The following RERE variants were observed in gnomAD, a reference collection of about 807,000 sequenced individuals.
RERE encodes the protein arginine-glutamic acid dipeptide repeats protein.
A neutral mutation model predicts 146.1 loss-of-function variants in RERE; 40 were observed. The observed-to-expected ratio is 0.27, with a 90% CI of 0.21 to 0.36. The LOEUF is 0.36. RERE is among the 10% of genes least tolerant of loss of function. RERE has a pLI of 1.00. For synonymous variants in RERE, 1,003 were observed against 866.0 expected, an observed-to-expected ratio of 1.16 and a Z score of -2.78; for missense variants, 1,933 against 2,138.7, an observed-to-expected ratio of 0.90 and a Z score of 1.90.
intron 11 of RERE, among the ~76,000 whole-genome samples, chr1:8,433,063 G>A (rs1037402925): frequency 3.3e-5 from 5 of 152,150 alleles, no homozygotes; most frequent in African/African-American, 7.2e-5. Flanking sequence ...ATTATATGCT[G>A]TATGCTGGAT....
At position 8,358,272 on chromosome 1, in the gene RERE, G is replaced by C; in HGVS notation, c.4263C>G (p.Asn1421Lys). 2 of 1,613,610 alleles carry C rather than the reference G, an allele frequency of 1.2e-6. No individual in the cohort carries two copies. Among genetic ancestry groups the C allele is most frequent in the Non-Finnish European group, 1.7e-6 (2 of 1,179,582 alleles). Residue 1421 changes from asparagine to lysine, a missense_variant, in exon 20 of 23, where the codon AAC becomes AAG. Physicochemically the swap from Asn to Lys is moderately conservative, Grantham distance 94 (BLOSUM62 0). Around this residue, in one of 11 missense-constraint regions of RERE, gnomAD observed 47 missense variants for 58.6 expected, o/e 0.80. Coordinates refer to ENST00000400908, the MANE Select transcript of RERE (RefSeq NM_001042681.2). ...AGTGCTGGTGATGGTGCGGAGTCAC[G>C]TTGAACATCTGCAGTCGGGCCAGGG... ...SDPLARLQMFNVTPHHHQHSH... is the reference protein window; with the variant it reads ...SDPLARLQMFKVTPHHHQHSH...
rs958678326 is a variant in RERE, at chr1:8,360,180, G to C, written c.3327C>G (p.Pro1109=). Residue 1109 remains proline (P), a synonymous_variant, in exon 18 of 23, where the codon CCC becomes CCG. Transcript: ENST00000400908. ...GCTCCGGGGACGGGCTCCTTGGTGG[G>C]GGAGGGGGGCTCTCAGGCTCCTCAG... The part of the protein sequence containing the change: ...DDAEEPESPP[P]PPRSPSPEPT... 6.3e-7 allele frequency: 1 copy of C among 1,599,308 alleles called. No homozygotes were observed. Among genetic ancestry groups the C allele is most frequent in the South Asian group, 1.1e-5 (1 of 89,026 alleles).
At chr1:8,767,679 T>C (rs1640873723) in intron 1 of RERE, among the ~76,000 whole-genome samples, 1 of 103,656 alleles carries the variant, frequency 9.6e-6, no homozygotes. Flanking sequence ...AAGCTTTCTT[T>C]ATTAAAAAAA....
chr1:8,359,066 G>T, intron 19 of RERE, 150 bp from the exon 20 acceptor site: 1 of 1,020,610 alleles, frequency 9.8e-7, no homozygotes, highest in Non-Finnish European at 1.3e-6. Context: ...GCCTTGGCCT[G>T]ACACCAGGAT....
intron 11 of RERE, among the ~76,000 whole-genome samples, chr1:8,464,252 C>T (rs938818791): frequency 3.3e-5 from 5 of 152,184 alleles, no homozygotes; most frequent in Non-Finnish European, 7.3e-5. Context: ...ACCCTAGGGC[C>T]ATTTCAGTGC....
At chr1:8,679,944 C>A (rs1485383529) in intron 1 of RERE, among the ~76,000 whole-genome samples, 1 of 152,174 alleles carries the variant, frequency 6.6e-6, no homozygotes, top group Non-Finnish European at 1.5e-5. Context: ...CATGACCTTG[C>A]ACAGGGATGT....
At chr1:8,605,188 G>A (rs1024734502) in intron 4 of RERE, among the ~76,000 whole-genome samples, 3 of 152,114 alleles carry the variant, frequency 2.0e-5, no homozygotes, top group African/African-American at 7.2e-5. Context: ...CCCAGGTTGG[G>A]GTGCGATGGC....
intron 1 of RERE, among the ~76,000 whole-genome samples, chr1:8,796,146 C>T (rs565942341): frequency 1.3e-5 from 2 of 152,214 alleles, no homozygotes; most frequent in Admixed American, 1.3e-4. Flanking sequence ...ATAGGCCACC[C>T]AGATCTCAGA....
At chr1:8,713,544 G>A (rs1180747738) in intron 1 of RERE, among the ~76,000 whole-genome samples, 2 of 151,962 alleles carry the variant, frequency 1.3e-5, no homozygotes, top group African/African-American at 4.8e-5. Flanking sequence ...GACCAGCCTC[G>A]CCAACACGGT....
chr1:8,403,071 G>A (rs1557613079), intron 12 of RERE, among the ~76,000 whole-genome samples: 2 of 152,004 alleles, frequency 1.3e-5, no homozygotes, highest in Non-Finnish European at 2.9e-5. Context: ...GCTAATTTTT[G>A]TATTTTTAGT....
chr1:8,531,007 TTCTATCTA>T (rs199738689), intron 7 of RERE, among the ~76,000 whole-genome samples: 22,793 of 140,124 alleles, frequency 0.16, 1,920 homozygotes, highest in African/African-American at 0.18. Flanking sequence ...GAACTGAGTT[TTCTATCTA>T]TCTATCTATC....
At chr1:8,453,465 G>A (rs1442008506) in intron 11 of RERE, among the ~76,000 whole-genome samples, 1 of 152,170 alleles carries the variant, frequency 6.6e-6, no homozygotes, top group African/African-American at 2.4e-5. Flanking sequence ...TTAATGTTAG[G>A]TGGGTTTTTG....
At chr1:8,369,311 G>C (rs1487235104) in intron 12 of RERE, among the ~76,000 whole-genome samples, 3 of 151,960 alleles carry the variant, frequency 2.0e-5, no homozygotes, top group African/African-American at 7.3e-5. Flanking sequence ...TTTGCTCCTG[G>C]CTTCACTGAT....
intron 1 of RERE, among the ~76,000 whole-genome samples, chr1:8,797,088 C>T (rs532775302): frequency 6.6e-6 from 1 of 152,042 alleles, no homozygotes; most frequent in South Asian, 2.1e-4. Flanking sequence ...AAAAATCAGT[C>T]AAAGCCAGGA....
chr1:8,416,693 AAAAC>A (rs1643783120), intron 12 of RERE, among the ~76,000 whole-genome samples: 1 of 152,252 alleles, frequency 6.6e-6, no homozygotes. Context: ...AATAATTAGA[AAAAC>A]AAAATCAAGC....
chr1:8,726,449 G>C (rs189827400), intron 1 of RERE, among the ~76,000 whole-genome samples: 1 of 152,046 alleles, frequency 6.6e-6, no homozygotes, highest in African/African-American at 2.4e-5. Context: ...CAACGCGCCC[G>C]GCCAGGCAAT....
At chr1:8,437,184 C>T (rs891567502) in intron 11 of RERE, among the ~76,000 whole-genome samples, 2 of 152,156 alleles carry the variant, frequency 1.3e-5, no homozygotes, top group African/African-American at 4.8e-5. Context: ...AGACCTCGAC[C>T]AGCACCAGGG....
intron 12 of RERE, among the ~76,000 whole-genome samples, chr1:8,367,793 G>A (rs1254159315): frequency 6.6e-6 from 1 of 152,324 alleles, no homozygotes; most frequent in East Asian, 1.9e-4. Context: ...TGGCCCCTAA[G>A]GTCATGATCT....
At chr1:8,434,380 G>A (rs938303868) in intron 11 of RERE, among the ~76,000 whole-genome samples, 2 of 152,164 alleles carry the variant, frequency 1.3e-5, no homozygotes, top group Non-Finnish European at 2.9e-5. Context: ...GAACTACGCT[G>A]GTTGAAACCC....
Sources: gnomAD v4.1 joint callset for allele counts (sites outside exome capture counted in the v4.1 genomes callset) on GRCh38, gnomAD v4.1.1 for gene constraint, gnomAD v4.1.1 regional missense constraint, MANE v1.5 for transcripts, NCBI Gene and HGNC (gene_info 2026-07-23, HGNC 2026-07-21) for gene names.